Variants in POU2AF3 observed in about 807,000 individuals in gnomAD.
POU2AF3 encodes the protein POU class 2 homeobox associating factor 3.
chr11:111,299,293 C>T, the POU2AF3 span: 1 of 987,036 alleles, frequency 1.0e-6, no homozygotes, highest in African/African-American at 1.7e-5. Context: ...TCACCCTCGG[C>T]CGCCGCACCC....
chr11:111,306,564 G>A, the POU2AF3 span: 15 of 1,551,678 alleles, frequency 9.7e-6, no homozygotes, highest in Non-Finnish European at 1.2e-5. Flanking sequence ...CACACAAAGT[G>A]CTCCACACCA....
the POU2AF3 span, chr11:111,299,365 G>A: frequency 2.2e-4 from 222 of 992,888 alleles, no homozygotes; most frequent in Non-Finnish European, 2.6e-4. Flanking sequence ...GGCCGGAGCC[G>A]CCCCGGACTC....
the POU2AF3 span, among the ~76,000 whole-genome samples, chr11:111,305,482 T>G: frequency 3.9e-5 from 6 of 152,228 alleles, no homozygotes; most frequent in African/African-American, 1.2e-4. Context: ...TAAACACTCC[T>G]ACCTCTGCTA....
the POU2AF3 span, chr11:111,298,583 T>G: frequency 2.4e-6 from 3 of 1,246,616 alleles, no homozygotes; most frequent in East Asian, 9.5e-5. Context: ...CTGACCACGA[T>G]GTCGGGTAAC....
the POU2AF3 span, chr11:111,306,433 A>G: frequency 4.7e-6 from 7 of 1,479,994 alleles, no homozygotes; most frequent in Non-Finnish European, 6.3e-6. Flanking sequence ...TCCACGCCCA[A>G]TTATTTGCAA....
chr11:111,307,293 T>C, the POU2AF3 span, among the ~76,000 whole-genome samples: 2 of 152,236 alleles, frequency 1.3e-5, no homozygotes, highest in Non-Finnish European at 2.9e-5. Context: ...AGTTGTCTTT[T>C]AGAGACTCAC....
At chr11:111,299,880 C>T in the POU2AF3 span, 1,139 of 514,072 alleles carry the variant, frequency 2.2e-3, 8 homozygotes, top group African/African-American at 0.02. Flanking sequence ...CGGGCCTGGC[C>T]CCTTTACTAG....
the POU2AF3 span, chr11:111,306,579 C>T: frequency 1.3e-6 from 2 of 1,551,776 alleles, no homozygotes; most frequent in African/African-American, 1.4e-5. Flanking sequence ...ACACCATTTC[C>T]CAGACAGCTT....
chr11:111,308,215 C>A, the POU2AF3 span: 3 of 1,551,842 alleles, frequency 1.9e-6, no homozygotes, highest in African/African-American at 1.4e-5. Context: ...CCCCAGAAGA[C>A]CATTCCTACC....
chr11:111,300,273 C>T, the POU2AF3 span: 1 of 320,666 alleles, frequency 3.1e-6, no homozygotes, highest in Non-Finnish European at 5.6e-6. Flanking sequence ...AGGACTGAGG[C>T]CCAGCCAGGG....
the POU2AF3 span, among the ~76,000 whole-genome samples, chr11:111,307,200 G>T: frequency 1.4e-4 from 21 of 152,092 alleles, 2 homozygotes; most frequent in African/African-American, 5.1e-4. Flanking sequence ...TAAATTGGTT[G>T]TTCTCGGTGG....
chr11:111,304,915 C>A, the POU2AF3 span: 1 of 1,231,668 alleles, frequency 8.1e-7, no homozygotes, highest in Non-Finnish European at 1.0e-6. Context: ...CGGTGATATT[C>A]TTGCTTTGAC....
chr11:111,298,825 G>GGCGGGGGGGCC, the POU2AF3 span: 2 of 852,674 alleles, frequency 2.3e-6, no homozygotes, highest in Non-Finnish European at 3.1e-6. Flanking sequence ...GCGTACCCCA[G>GGCGGGGGGGCC]GCCCCCGCCC....
the POU2AF3 span, chr11:111,298,620 A>C: frequency 8.0e-7 from 1 of 1,246,438 alleles, no homozygotes; most frequent in Non-Finnish European, 1.0e-6. Flanking sequence ...GGGTCGGGTC[A>C]GGCGGGCCAG....
chr11:111,304,819 C>T, the POU2AF3 span: 3 of 559,146 alleles, frequency 5.4e-6, no homozygotes, highest in Non-Finnish European at 8.0e-6. Flanking sequence ...AAGGAAGAAT[C>T]TGGCTTACCT....
chr11:111,301,330 G>T, the POU2AF3 span, among the ~76,000 whole-genome samples: 3 of 152,206 alleles, frequency 2.0e-5, no homozygotes, highest in Non-Finnish European at 2.9e-5. Flanking sequence ...ACTAGGTGGG[G>T]TTATTGCCCA....
At chr11:111,303,056 G>A in the POU2AF3 span, among the ~76,000 whole-genome samples, 3 of 152,186 alleles carry the variant, frequency 2.0e-5, no homozygotes, top group African/African-American at 4.8e-5. Flanking sequence ...TATAAAGTCA[G>A]TGTAGTATCC....
chr11:111,301,638 T>TC, the POU2AF3 span, among the ~76,000 whole-genome samples: 1 of 152,184 alleles, frequency 6.6e-6, no homozygotes, highest in Non-Finnish European at 1.5e-5. Flanking sequence ...AGATCTCAGT[T>TC]CCTCCATGGT....
At chr11:111,307,573 A>G in the POU2AF3 span, among the ~76,000 whole-genome samples, 1 of 152,350 alleles carries the variant, frequency 6.6e-6, no homozygotes, top group Non-Finnish European at 1.5e-5. Context: ...TCCAGGGAAC[A>G]AGACTTTAGT....
Sources: allele counts gnomAD v4.1 joint callset (sites outside exome capture counted in the v4.1 genomes callset), GRCh38; gene constraint gnomAD v4.1.1; transcripts MANE v1.5; gene names NCBI Gene and HGNC (gene_info 2026-07-23, HGNC 2026-07-21).